The following DSCAML1 variants were observed in gnomAD, a reference collection of about 807,000 sequenced individuals.
DSCAML1 encodes the protein DS cell adhesion molecule like 1.
Under a neutral mutation model 200.5 loss-of-function variants are expected in DSCAML1, and 38 were observed. The observed-to-expected ratio is 0.19, with a 90% CI of 0.15 to 0.25. The LOEUF (loss-of-function observed/expected upper bound fraction) is 0.25, where lower values mean the gene tolerates loss of function less well. DSCAML1 is among the 10% of genes least tolerant of loss of function. The pLI is 1.00. For synonymous variants in DSCAML1, 1,215 were observed against 1,165.0 expected (o/e 1.04, Z -0.87); for missense variants, 2,223 against 2,858.8 (o/e 0.78, Z 5.07).
chr11:117,447,820 G>A (rs1260251045), intron 20 of DSCAML1, among the ~76,000 whole-genome samples: 4 of 152,096 alleles, frequency 2.6e-5, no homozygotes, highest in South Asian at 2.1e-4. Flanking sequence ...ACTGATACGC[G>A]CGTGTGCCCT....
chr11:117,568,338 A>G (rs1381598740), intron 3 of DSCAML1, among the ~76,000 whole-genome samples: 2 of 151,884 alleles, frequency 1.3e-5, no homozygotes, highest in East Asian at 3.9e-4. Flanking sequence ...CTCTCTCACC[A>G]CTCCTATTCA....
At chr11:117,447,319 C>G (rs79744028) in intron 20 of DSCAML1, among the ~76,000 whole-genome samples, 2,163 of 152,232 alleles carry the variant, frequency 0.014, 63 homozygotes, top group African/African-American at 0.049. Context: ...AGAAGAATAT[C>G]TGATGGTGTA....
chr11:117,779,694 A>T (rs904597997), intron 2 of DSCAML1, among the ~76,000 whole-genome samples: 5 of 152,208 alleles, frequency 3.3e-5, no homozygotes, highest in African/African-American at 1.2e-4. Context: ...GTTGGACACC[A>T]TTTGTATAAA....
intron 3 of DSCAML1, among the ~76,000 whole-genome samples, chr11:117,734,385 G>A (rs2054282428): frequency 6.6e-6 from 1 of 152,160 alleles, no homozygotes; most frequent in Non-Finnish European, 1.5e-5. Context: ...AAACCTTGCT[G>A]GGAGACTAGA....
At chr11:117,487,497 G>C (rs540009433) in intron 11 of DSCAML1, among the ~76,000 whole-genome samples, 1 of 152,148 alleles carries the variant, frequency 6.6e-6, no homozygotes. Context: ...AAGCAGAAGA[G>C]CATCTTAAAA....
intron 3 of DSCAML1, among the ~76,000 whole-genome samples, chr11:117,541,860 C>T (rs767758236): frequency 1.4e-5 from 2 of 140,980 alleles, no homozygotes; most frequent in African/African-American, 2.8e-5. Flanking sequence ...TGTCCCTCTC[C>T]GACTAAAGAT....
intron 3 of DSCAML1, among the ~76,000 whole-genome samples, chr11:117,589,212 T>C (rs1400309046): frequency 1.3e-5 from 2 of 152,126 alleles, no homozygotes; most frequent in Admixed American, 6.5e-5. Context: ...CATATTAAAA[T>C]GCAAGCGACC....
At chr11:117,678,138 C>A (rs2053249567) in intron 3 of DSCAML1, among the ~76,000 whole-genome samples, 1 of 152,222 alleles carries the variant, frequency 6.6e-6, no homozygotes, top group African/African-American at 2.4e-5. Context: ...CTACCAGCTG[C>A]AGCCGCTAAG....
chr11:117,750,690 T>G (rs2054592369), intron 3 of DSCAML1, among the ~76,000 whole-genome samples: 1 of 152,156 alleles, frequency 6.6e-6, no homozygotes, highest in Non-Finnish European at 1.5e-5. Context: ...AACCCCTGGC[T>G]TGGGAGTCAG....
At chr11:117,709,662 A>C in intron 3 of DSCAML1, 3 of 455,090 alleles carry the variant, frequency 6.6e-6, no homozygotes, top group East Asian at 7.0e-5. Context: ...TCCCACCCCA[A>C]CTCCCACCTC....
chr11:117,680,587 C>G (rs1031431732), intron 3 of DSCAML1, among the ~76,000 whole-genome samples: 3 of 152,214 alleles, frequency 2.0e-5, no homozygotes, highest in African/African-American at 7.2e-5. Flanking sequence ...CATGATAAGG[C>G]AGCCAGCAGA....
At chr11:117,643,779 C>T (rs566287994) in intron 3 of DSCAML1, among the ~76,000 whole-genome samples, 1 of 152,164 alleles carries the variant, frequency 6.6e-6, no homozygotes, top group Non-Finnish European at 1.5e-5. Flanking sequence ...CCGCCGTCAT[C>T]ACCATCAGGC....
intron 3 of DSCAML1, among the ~76,000 whole-genome samples, chr11:117,685,456 G>A (rs1416728766): frequency 1.3e-5 from 2 of 152,196 alleles, no homozygotes; most frequent in Non-Finnish European, 2.9e-5. Flanking sequence ...GTCATGGGCA[G>A]GGCATGCACA....
chr11:117,497,806 A>G (rs1282906404), intron 11 of DSCAML1, among the ~76,000 whole-genome samples: 2 of 152,208 alleles, frequency 1.3e-5, no homozygotes, highest in Admixed American at 6.5e-5. Flanking sequence ...CCCAAATCCC[A>G]CAGCTGTGGC....
intron 3 of DSCAML1, among the ~76,000 whole-genome samples, chr11:117,744,028 G>A (rs989596069): frequency 1.3e-5 from 2 of 152,208 alleles, no homozygotes; most frequent in African/African-American, 4.8e-5. Flanking sequence ...GCTGGATGGG[G>A]TGATGCGAGA....
intron 3 of DSCAML1, among the ~76,000 whole-genome samples, chr11:117,664,663 C>T (rs1017754456): frequency 4.6e-5 from 7 of 152,348 alleles, no homozygotes; most frequent in South Asian, 4.1e-4. Context: ...GGGAGCTCCT[C>T]GCATTTTTGG....
chr11:117,773,225 C>T (rs138285018), intron 3 of DSCAML1, among the ~76,000 whole-genome samples: 46 of 152,288 alleles, frequency 3.0e-4, no homozygotes, highest in African/African-American at 1.1e-3. Context: ...CACATGAGGG[C>T]CCCCTCCTCC....
intron 21 of DSCAML1, among the ~76,000 whole-genome samples, chr11:117,441,481 A>G (rs7948072): frequency 0.23 from 35,408 of 151,974 alleles, 6,069 homozygotes; most frequent in East Asian, 0.59. Flanking sequence ...GGAGTGTCCC[A>G]AGGGTGGTGG....
intron 4 of DSCAML1, among the ~76,000 whole-genome samples, chr11:117,528,595 T>C (rs1038405676): frequency 1.3e-5 from 2 of 152,182 alleles, no homozygotes. Flanking sequence ...CATAGCCAGC[T>C]GAACAGCATT....
Sources: allele counts gnomAD v4.1 joint callset (sites outside exome capture counted in the v4.1 genomes callset), GRCh38; gene constraint gnomAD v4.1.1; transcripts MANE v1.5; gene names NCBI Gene and HGNC (gene_info 2026-07-23, HGNC 2026-07-21).